GNG2: variants seen among roughly 807,000 people sequenced by gnomAD.
GNG2 encodes guanine nucleotide-binding protein G(I)/G(S)/G(O) subunit gamma-2.
Under a neutral mutation model 5.5 loss-of-function variants are expected in GNG2, and 5 were observed. The ratio of observed to expected loss-of-function variants is 0.91; its 90% CI spans 0.48 to 1.92. The LOEUF is 1.92. Among genes scored for constraint, GNG2 ranks in the 30% most tolerant of loss-of-function variants. The pLI, the probability that GNG2 is intolerant of heterozygous loss-of-function variation, is 0.01. For synonymous variants in GNG2, 28 were observed against 32.0 expected, an observed-to-expected ratio of 0.88 and a Z score of 0.42; for missense variants, 55 against 88.4, an observed-to-expected ratio of 0.62 and a Z score of 1.52.
chr14:51,867,951 G>T (rs752206667), intron 1 of GNG2, among the ~76,000 whole-genome samples: 4 of 151,892 alleles, frequency 2.6e-5, no homozygotes, highest in Non-Finnish European at 5.9e-5. Flanking sequence ...GGTCACATCT[G>T]GTTTCATCTT....
At chr14:51,961,678 G>A (rs1889623251) in intron 3 of GNG2, among the ~76,000 whole-genome samples, 1 of 152,198 alleles carries the variant, frequency 6.6e-6, no homozygotes, top group Admixed American at 6.6e-5. Context: ...CTGCAAGGAG[G>A]TGGTATTTCT....
intron 2 of GNG2, among the ~76,000 whole-genome samples, chr14:51,846,266 T>A (rs555085782): frequency 3.3e-5 from 5 of 152,360 alleles, no homozygotes; most frequent in Non-Finnish European, 7.3e-5. Flanking sequence ...TAATATAGAA[T>A]ATTTTTTACA....
rs114509630 is a variant in GNG2 at position 51,949,311 on chromosome 14, C to A, written c.-29-1339C>A. 1.8e-4 allele frequency among the ~76,000 whole-genome samples: 27 copies of A among 152,154 alleles called. No homozygotes were observed. In the South Asian group the frequency reaches 5.6e-3, roughly 32 times the overall value. On this transcript the variant is annotated intron_variant, in intron 2 of 3. Coordinates refer to ENST00000556766, the MANE Select transcript of GNG2 (RefSeq NM_053064.5). ...TGAAGAACTGGATATCAAGAAATAA[C>A]TACCAAAAGAGATAATTTATAGACT... is the stretch of plus-strand genomic sequence containing the variant.
In GNG2 at chr14:51,829,340, C is replaced by G. The variant is rs181596718; in HGVS notation, c.64+1533C>G. Among the ~76,000 whole-genome samples, 13 of 152,318 alleles carry G rather than the reference C, an allele frequency of 8.5e-5. No individual in the cohort carries two copies. In the East Asian group the frequency reaches 2.5e-3, roughly 29 times the overall value. ...ATTCAACAGTGCTTGGACACACCTG[C>G]AAGCTATTGATCATACCACCTTTTC... is the stretch of plus-strand genomic sequence containing the variant. On this transcript the variant is annotated intron_variant, in intron 2 of 3. Coordinates refer to the GNG2 transcript ENST00000553432.
intron 2 of GNG2, among the ~76,000 whole-genome samples, chr14:51,880,118 G>C (rs1198115028): frequency 1.3e-5 from 2 of 152,194 alleles, no homozygotes; most frequent in African/African-American, 2.4e-5. Context: ...ATTGGATCAA[G>C]GGGACTGGTT....
At position 51,966,715 on chromosome 14, in the gene GNG2, C is replaced by G. The variant is rs576750156; in HGVS notation, c.*28C>G. The G allele has an allele frequency of 3.7e-6, 6 of 1,605,726 alleles. No individual in the cohort carries two copies. In the African/African-American group the frequency reaches 6.7e-5, roughly 18 times the overall value. Reference sequence around the variant, plus strand: ...CTTTGAGAGGGGCCTGAAGAGCCTCCGGGCTCCTGGGACATTGATGTAGAG... The same window carrying G: ...CTTTGAGAGGGGCCTGAAGAGCCTCGGGGCTCCTGGGACATTGATGTAGAG... On this transcript the variant is annotated 3_prime_UTR_variant, in exon 4 of 4. Coordinates refer to ENST00000556766, the MANE Select transcript of GNG2 (RefSeq NM_053064.5).
chr14:51,835,438 A>G (rs10220476), intron 2 of GNG2, among the ~76,000 whole-genome samples: 75,855 of 152,086 alleles, frequency 0.5, 19,529 homozygotes, highest in Middle Eastern at 0.57. Flanking sequence ...GGCTATACAG[A>G]TAAATAAGAT....
At chr14:51,931,223 A>C (rs544942800) in intron 2 of GNG2, among the ~76,000 whole-genome samples, 1 of 152,238 alleles carries the variant, frequency 6.6e-6, no homozygotes, top group Non-Finnish European at 1.5e-5. Context: ...TTGAAGGAAG[A>C]GTCCAGGGGT....
chr14:51,924,684 A>G (rs768331255), intron 2 of GNG2, among the ~76,000 whole-genome samples: 9 of 152,236 alleles, frequency 5.9e-5, no homozygotes, highest in Non-Finnish European at 1.3e-4. Context: ...GGCAAGCCGC[A>G]ATACATAGAC....
chr14:51,838,370 G>A (rs1881395368), intron 2 of GNG2, among the ~76,000 whole-genome samples: 1 of 151,986 alleles, frequency 6.6e-6, no homozygotes, highest in South Asian at 2.1e-4. Flanking sequence ...CTTGAACCCA[G>A]GAGGCAAAGG....
chr14:51,900,785 T>C (rs1034809773), intron 2 of GNG2, among the ~76,000 whole-genome samples: 1 of 152,056 alleles, frequency 6.6e-6, no homozygotes, highest in Non-Finnish European at 1.5e-5. Flanking sequence ...TTTGGATCTA[T>C]TGGTCGTCTA....
At chr14:51,919,369 GT>G (rs2140221528) in intron 2 of GNG2, among the ~76,000 whole-genome samples, 1 of 152,230 alleles carries the variant, frequency 6.6e-6, no homozygotes, top group South Asian at 2.1e-4. Flanking sequence ...AGAATAATTT[GT>G]TTTTGAACAT....
intron 2 of GNG2, among the ~76,000 whole-genome samples, chr14:51,840,904 C>A (rs1881464550): frequency 6.6e-6 from 1 of 152,148 alleles, no homozygotes; most frequent in Non-Finnish European, 1.5e-5. Context: ...TAGGTTCAGT[C>A]CCTCATGTAT....
chr14:51,939,518 C>T (rs35437257), intron 2 of GNG2, among the ~76,000 whole-genome samples: 13,378 of 152,178 alleles, frequency 0.088, 1,093 homozygotes, highest in East Asian at 0.28. Context: ...AGCCATGTTG[C>T]GTCTTACTCT....
At chr14:51,923,021 T>C (rs552126714) in intron 2 of GNG2, among the ~76,000 whole-genome samples, 1 of 152,362 alleles carries the variant, frequency 6.6e-6, no homozygotes, top group South Asian at 2.1e-4. Context: ...CAGTTCTTTC[T>C]AGCAAATAAC....
Position 51,929,292 on chromosome 14 carries a change from C to T in GNG2, c.-29-21358C>T, listed in dbSNP as rs116874592. On this transcript the variant is annotated intron_variant, in intron 2 of 3. Coordinates refer to ENST00000556766, the MANE Select transcript of GNG2 (RefSeq NM_053064.5). The stretch of plus-strand genomic sequence containing the variant: ...TTAAATAGCTGCTGAAATGGGGCCA[C>T]GGACTGTTTCTGTTCATCCCATTCC... 2.3e-3 allele frequency among the ~76,000 whole-genome samples: 357 copies of T among 152,320 alleles called. 8 individuals are homozygous for T. In the East Asian group the frequency reaches 0.039, roughly 17 times the overall value.
intron 1 of GNG2, among the ~76,000 whole-genome samples, chr14:51,866,096 A>C (rs1882862640): frequency 6.6e-6 from 1 of 152,194 alleles, no homozygotes; most frequent in Admixed American, 6.5e-5. Context: ...GCTGTTAATG[A>C]AAAAGCTTTG....
At chr14:51,895,182 A>G (rs902295303) in intron 2 of GNG2, among the ~76,000 whole-genome samples, 1 of 152,204 alleles carries the variant, frequency 6.6e-6, no homozygotes, top group African/African-American at 2.4e-5. Context: ...TACATGGAGA[A>G]CTACTAAATA....
chr14:51,909,519 G>T (rs749563370), intron 2 of GNG2, among the ~76,000 whole-genome samples: 1 of 152,130 alleles, frequency 6.6e-6, no homozygotes, highest in African/African-American at 2.4e-5. Context: ...GGAAGGCATG[G>T]TGTTGTACTT....
Sources: gnomAD v4.1 joint callset for allele counts (sites outside exome capture counted in the v4.1 genomes callset) on GRCh38, gnomAD v4.1.1 for gene constraint, MANE v1.5 for transcripts, NCBI Gene and HGNC (gene_info 2026-07-23, HGNC 2026-07-21) for gene names.